GPC5: variants seen among roughly 807,000 people sequenced by gnomAD.
GPC5 encodes glypican 5, also known as glypican-5.
In GPC5, 47 loss-of-function variants were observed where a neutral mutation model predicts 53.9. That is an observed-to-expected ratio of 0.87 (90% CI 0.69 to 1.11). The LOEUF (loss-of-function observed/expected upper bound fraction) is 1.11. Ranked by LOEUF, GPC5 falls within the 50% of genes most tolerant of loss-of-function variation. GPC5 has a pLI of 0.00. For missense variants in GPC5, 748 were observed against 713.1 expected (o/e 1.05, Z -0.56); for synonymous variants, 286 against 263.3 (o/e 1.09, Z -0.84).
chr13:92,119,140 G>A (rs1161875584), intron 6 of GPC5, among the ~76,000 whole-genome samples: 1 of 152,122 alleles, frequency 6.6e-6, no homozygotes, highest in African/African-American at 2.4e-5. Flanking sequence ...GCAAAGTCAT[G>A]TCTTACATGG....
chr13:92,523,762 A>G (rs1385277014), intron 7 of GPC5, among the ~76,000 whole-genome samples: 2 of 152,110 alleles, frequency 1.3e-5, no homozygotes, highest in East Asian at 3.8e-4. Flanking sequence ...TAGTCAACAA[A>G]TTAATTATTT....
intron 2 of GPC5, among the ~76,000 whole-genome samples, chr13:91,630,280 T>C (rs1015330942): frequency 6.6e-6 from 1 of 152,180 alleles, no homozygotes; most frequent in African/African-American, 2.4e-5. Context: ...GAAGGATATT[T>C]TTTTTCAGGT....
At chr13:92,035,762 A>G (rs1226920263) in intron 6 of GPC5, among the ~76,000 whole-genome samples, 1 of 150,620 alleles carries the variant, frequency 6.6e-6, no homozygotes, top group Non-Finnish European at 1.5e-5. Context: ...TGTTAAAAAA[A>G]AAAAACAAAA....
intron 2 of GPC5, among the ~76,000 whole-genome samples, chr13:91,571,543 G>A (rs901860334): frequency 6.6e-6 from 1 of 151,800 alleles, no homozygotes; most frequent in African/African-American, 2.4e-5. Flanking sequence ...GGCCAACATG[G>A]TGAAACCCCA....
intron 5 of GPC5, among the ~76,000 whole-genome samples, chr13:91,874,299 G>T (rs1396062036): frequency 6.6e-6 from 1 of 151,798 alleles, no homozygotes; most frequent in Non-Finnish European, 1.5e-5. Flanking sequence ...GCATATGCAT[G>T]GCCTTGATTT....
intron 3 of GPC5, among the ~76,000 whole-genome samples, chr13:91,709,014 T>C (rs916068246): frequency 2.0e-5 from 3 of 152,226 alleles, no homozygotes; most frequent in Non-Finnish European, 4.4e-5. Flanking sequence ...AAACTATTTT[T>C]GTTATTTAAG....
chr13:92,332,149 C>G (rs528250426), intron 7 of GPC5, among the ~76,000 whole-genome samples: 2 of 152,236 alleles, frequency 1.3e-5, no homozygotes, highest in South Asian at 4.1e-4. Flanking sequence ...CTTTGAAATC[C>G]TTCAGATTTT....
chr13:91,840,517 C>T (rs778944801), intron 5 of GPC5, among the ~76,000 whole-genome samples: 9 of 151,878 alleles, frequency 5.9e-5, no homozygotes, highest in Non-Finnish European at 1.3e-4. Context: ...TTTCTTAAAA[C>T]CTTCTGAGAA....
intron 7 of GPC5, among the ~76,000 whole-genome samples, chr13:92,676,883 G>A (rs1885385391): frequency 6.6e-6 from 1 of 151,912 alleles, no homozygotes; most frequent in South Asian, 2.1e-4. Flanking sequence ...AATCTAAAAA[G>A]TGAGTTAAGG....
intron 7 of GPC5, among the ~76,000 whole-genome samples, chr13:92,497,584 T>A (rs1173156810): frequency 6.6e-6 from 1 of 152,154 alleles, no homozygotes; most frequent in Admixed American, 6.5e-5. Flanking sequence ...GTTGGCTACA[T>A]GGGTCTGCTT....
chr13:92,009,966 C>T (rs542379608), intron 6 of GPC5, among the ~76,000 whole-genome samples: 1 of 152,080 alleles, frequency 6.6e-6, no homozygotes. Flanking sequence ...AAGTGGAATC[C>T]CCTTGTATAA....
At chr13:91,425,533 TTC>T (rs1441270750) in intron 1 of GPC5, among the ~76,000 whole-genome samples, 1 of 152,206 alleles carries the variant, frequency 6.6e-6, no homozygotes, top group African/African-American at 2.4e-5. Flanking sequence ...CTGTTCACTG[TTC>T]TCTCTTTCTC....
intron 7 of GPC5, among the ~76,000 whole-genome samples, chr13:92,442,611 A>G (rs1877620305): frequency 6.6e-6 from 1 of 152,196 alleles, no homozygotes; most frequent in Non-Finnish European, 1.5e-5. Flanking sequence ...GAATGGTACT[A>G]AGAAAAAAAG....
Position 92,393,471 on chromosome 13 carries a change from G to A in GPC5, c.1561+248482G>A, listed in dbSNP as rs573005378. Among the ~76,000 whole-genome samples the A allele has an allele frequency of 6.6e-5, 10 of 152,152 alleles. No individual in the cohort carries two copies. In the East Asian group the frequency reaches 1.4e-3, roughly 21 times the overall value. On this transcript the variant is annotated intron_variant, in intron 7 of 7. Transcript: ENST00000377067. ...TCAAGACCAGCCTGGCCAACATGGC[G>A]AAACCCTGTCTCTACTAAAAATTCA... is the stretch of plus-strand genomic sequence containing the variant.
At chr13:92,434,260 T>C (rs1440646695) in intron 7 of GPC5, among the ~76,000 whole-genome samples, 7 of 152,160 alleles carry the variant, frequency 4.6e-5, no homozygotes, top group Non-Finnish European at 7.3e-5. Flanking sequence ...AAAAACAATT[T>C]AGAGAACCAT....
At chr13:91,485,985 A>G (rs1317708106) in intron 2 of GPC5, 2 of 152,240 alleles carry the variant, frequency 1.3e-5, no homozygotes, top group African/African-American at 2.4e-5. Context: ...GGTCTCAATT[A>G]TTTACAGGAA....
chr13:91,797,403 A>G (rs1231453392), intron 5 of GPC5, among the ~76,000 whole-genome samples: 1 of 152,154 alleles, frequency 6.6e-6, no homozygotes, highest in African/African-American at 2.4e-5. Flanking sequence ...ATTAATATAG[A>G]GAACACACCT....
chr13:92,423,102 T>C (rs753325819), intron 7 of GPC5, among the ~76,000 whole-genome samples: 1 of 152,146 alleles, frequency 6.6e-6, no homozygotes, highest in Non-Finnish European at 1.5e-5. Context: ...TTCTGTGTAG[T>C]AGAAAGAGGA....
At chr13:91,622,211 GAC>G in intron 2 of GPC5, among the ~76,000 whole-genome samples, 1 of 152,074 alleles carries the variant, frequency 6.6e-6, no homozygotes, top group East Asian at 1.9e-4. Context: ...CACCCTCACA[GAC>G]ACACCCAGGA....
Sources: gnomAD v4.1 joint callset for allele counts (sites outside exome capture counted in the v4.1 genomes callset) on GRCh38, gnomAD v4.1.1 for gene constraint, MANE v1.5 for transcripts, NCBI Gene and HGNC (gene_info 2026-07-23, HGNC 2026-07-21) for gene names.